Variants in SLC39A11 observed in about 807,000 individuals in gnomAD.
The protein encoded by SLC39A11 is solute carrier family 39 member 11.
SLC39A11 carries 33 observed loss-of-function variants against 36.1 expected under a neutral mutation model. The observed-to-expected ratio is 0.91, with a 90% confidence interval of 0.69 to 1.22. The LOEUF (loss-of-function observed/expected upper bound fraction) is 1.22. SLC39A11 is among the 50% of genes most tolerant of loss of function. The pLI, the probability that SLC39A11 is intolerant of heterozygous loss-of-function variation, is 0.00. For missense variants in SLC39A11, 432 were observed against 430.3 expected (o/e 1.00, Z -0.03); for synonymous variants, 166 against 170.3 (o/e 0.97, Z 0.20).
chr17:72,809,500 TGG>T (rs954716013), intron 6 of SLC39A11, among the ~76,000 whole-genome samples: 5 of 152,182 alleles, frequency 3.3e-5, no homozygotes, highest in African/African-American at 1.2e-4. Flanking sequence ...TGCTTCTTCG[TGG>T]CTTCCCTTTT....
chr17:72,779,999 C>T (rs1295625378), intron 6 of SLC39A11, among the ~76,000 whole-genome samples: 2 of 152,160 alleles, frequency 1.3e-5, no homozygotes, highest in Admixed American at 1.3e-4. Flanking sequence ...GACTGGAGGC[C>T]CACATATAAG....
chr17:72,977,151 G>A (rs112698669), intron 4 of SLC39A11, among the ~76,000 whole-genome samples: 6 of 152,298 alleles, frequency 3.9e-5, no homozygotes, highest in South Asian at 2.1e-4. Context: ...AGAGAGATTC[G>A]AAAGTGAGAA....
chr17:72,858,487 A>T (rs1231515106), intron 5 of SLC39A11, among the ~76,000 whole-genome samples: 3 of 152,140 alleles, frequency 2.0e-5, no homozygotes, highest in African/African-American at 4.8e-5. Context: ...ATGAATTTTA[A>T]AATAGTTTTT....
At chr17:72,806,502 T>C (rs1325202513) in intron 6 of SLC39A11, among the ~76,000 whole-genome samples, 1 of 152,154 alleles carries the variant, frequency 6.6e-6, no homozygotes, top group Non-Finnish European at 1.5e-5. Flanking sequence ...GTCCCTTTTT[T>C]ATATAGTGGG....
At chr17:72,699,311 A>C (rs1046063250) in intron 7 of SLC39A11, among the ~76,000 whole-genome samples, 1 of 152,260 alleles carries the variant, frequency 6.6e-6, no homozygotes, top group Non-Finnish European at 1.5e-5. Context: ...ATAATGTCTT[A>C]ACAGAGTTTA....
chr17:72,727,885 C>T (rs1212813209), intron 7 of SLC39A11, among the ~76,000 whole-genome samples: 1 of 152,178 alleles, frequency 6.6e-6, no homozygotes, highest in Non-Finnish European at 1.5e-5. Flanking sequence ...CAGCCACACA[C>T]ACATGATAGG....
rs147532192 is a variant in SLC39A11, at chr17:72,909,734, CT to C, written c.430+38017del. On this transcript the variant is annotated intron_variant, in intron 5 of 9. Transcript: ENST00000255559. ...CCAGTTTGCTCAACTGTCTTTCTTT[CT>C]TTTTTTTCTTTTTTCTTTTTTTTTT... Among the ~76,000 whole-genome samples, 78 of 134,420 alleles carry C rather than the reference CT, an allele frequency of 5.8e-4. 1 individual carries two copies. The highest frequency in any genetic ancestry group is 2.0e-3 in the African/African-American group (75 of 36,982). 88.2% of individuals were successfully genotyped at this position (134,420 alleles called of 152,430 possible).
At chr17:72,902,795 G>A (rs1380847849) in intron 5 of SLC39A11, among the ~76,000 whole-genome samples, 1 of 151,732 alleles carries the variant, frequency 6.6e-6, no homozygotes, top group Non-Finnish European at 1.5e-5. Context: ...TTCTTCCAGT[G>A]GGTACCCCTC....
At chr17:72,954,058 T>C (rs896658624) in intron 4 of SLC39A11, among the ~76,000 whole-genome samples, 1 of 152,196 alleles carries the variant, frequency 6.6e-6, no homozygotes, top group Non-Finnish European at 1.5e-5. Context: ...GTATTTGTTA[T>C]TTTTGAGAGA....
intron 6 of SLC39A11, among the ~76,000 whole-genome samples, chr17:72,847,229 C>T (rs1272566298): frequency 6.6e-6 from 1 of 151,986 alleles, no homozygotes; most frequent in African/African-American, 2.4e-5. Flanking sequence ...ATGGTGAAAC[C>T]CCGTCTCTTC....
chr17:72,715,679 T>C (rs2073329865), intron 7 of SLC39A11, among the ~76,000 whole-genome samples: 1 of 152,116 alleles, frequency 6.6e-6, no homozygotes, highest in East Asian at 1.9e-4. Context: ...ATGATTAATG[T>C]ATACATAACA....
intron 5 of SLC39A11, among the ~76,000 whole-genome samples, chr17:72,855,662 C>T (rs535579391): frequency 7.9e-5 from 12 of 152,206 alleles, no homozygotes; most frequent in Admixed American, 4.6e-4. Context: ...TTTGGGAGGC[C>T]GAGGTGGGCA....
At chr17:72,857,737 TG>T (rs998233725) in intron 5 of SLC39A11, among the ~76,000 whole-genome samples, 47 of 152,332 alleles carry the variant, frequency 3.1e-4, no homozygotes, top group African/African-American at 1.1e-3. Flanking sequence ...TAATGATCAG[TG>T]GTGTTGAGAT....
At chr17:72,675,087 C>T (rs1184591930) in intron 7 of SLC39A11, among the ~76,000 whole-genome samples, 1 of 152,086 alleles carries the variant, frequency 6.6e-6, no homozygotes, top group Non-Finnish European at 1.5e-5. Context: ...ACACAAAGAG[C>T]TAGTTGTCAA....
At chr17:73,072,949 G>A (rs374052502) in intron 3 of SLC39A11, among the ~76,000 whole-genome samples, 3 of 152,364 alleles carry the variant, frequency 2.0e-5, no homozygotes, top group East Asian at 3.9e-4. Flanking sequence ...GGAGGCCAAG[G>A]TGGGTGGATC....
chr17:73,015,448 C>T (rs2090753364), intron 4 of SLC39A11, among the ~76,000 whole-genome samples: 1 of 152,194 alleles, frequency 6.6e-6, no homozygotes, highest in South Asian at 2.1e-4. Context: ...AGGGATAACA[C>T]CTCACATTAG....
intron 5 of SLC39A11, among the ~76,000 whole-genome samples, chr17:72,870,506 C>T (rs945863951): frequency 6.6e-6 from 1 of 152,262 alleles, no homozygotes; most frequent in Non-Finnish European, 1.5e-5. Flanking sequence ...CTTCGCTAGA[C>T]TCCCAAATTG....
chr17:72,824,257 A>ACT (rs1251323089), intron 6 of SLC39A11, among the ~76,000 whole-genome samples: 2 of 147,490 alleles, frequency 1.4e-5, no homozygotes, highest in African/African-American at 2.5e-5. Context: ...CTTCCCCTTC[A>ACT]CTCTCTCTCT....
chr17:72,668,921 CT>C (rs1200064952), intron 7 of SLC39A11, among the ~76,000 whole-genome samples: 1 of 152,176 alleles, frequency 6.6e-6, no homozygotes, highest in Non-Finnish European at 1.5e-5. Flanking sequence ...GGGTACCTGT[CT>C]TCCATTAATG....
Sources: gnomAD v4.1 joint callset for allele counts (sites outside exome capture counted in the v4.1 genomes callset) on GRCh38, gnomAD v4.1.1 for gene constraint, MANE v1.5 for transcripts, NCBI Gene and HGNC (gene_info 2026-07-23, HGNC 2026-07-21) for gene names.